The following COL26A1 variants were observed in gnomAD, a reference collection of about 807,000 sequenced individuals.
COL26A1 encodes collagen alpha-1(XXVI) chain.
Under a neutral mutation model 59.3 loss-of-function variants are expected in COL26A1, and 41 were observed. The ratio of observed to expected loss-of-function variants is 0.69; its 90% CI spans 0.54 to 0.90. The LOEUF is 0.90. Among genes scored for constraint, COL26A1 ranks in the 40% least tolerant of loss-of-function variants. The probability of loss-of-function intolerance (pLI) is 0.00; values close to 1 mark genes in which losing one functional copy is unlikely to be tolerated. For synonymous variants in COL26A1, 266 were observed against 256.0 expected (o/e 1.04, Z -0.37); for missense variants, 612 against 602.3 (o/e 1.02, Z -0.17).
rs570178967 is a variant in COL26A1 at position 101,475,465 on chromosome 7, A to AG, written c.385+27682dup. 1.9e-3 allele frequency among the ~76,000 whole-genome samples: 291 copies of AG among 152,172 alleles called. 1 individual carries two copies. Among genetic ancestry groups the AG allele is most frequent in the Non-Finnish European group, 3.6e-3 (244 of 68,028 alleles). ...TCTCAAACACCAACATACCATATTT[A>AG]GGGGTACAGTGTCCTGAGCCCCACT... On this transcript the variant is annotated intron_variant, in intron 3 of 12. Transcript: ENST00000313669.
In COL26A1 at chr7:101,483,095, A is replaced by G. The variant is rs190106514; in HGVS notation, c.385+35308A>G. Among the ~76,000 whole-genome samples the G allele has an allele frequency of 2.9e-3, 445 of 152,220 alleles. 2 individuals carry two copies. The highest frequency in any genetic ancestry group is 5.0e-3 in the Admixed American group (77 of 15,268). ...TTAACTGGTGCAAACAAATCATATG[A>G]CCATGGTCTGCTTTAAGGGAGCAGG... On this transcript the variant is annotated intron_variant, in intron 3 of 12. Transcript: ENST00000313669.
At chr7:101,545,531 C>T (rs752012146) in intron 7 of COL26A1, 41 bp downstream of exon 7, 22 of 1,576,098 alleles carry the variant, frequency 1.4e-5, no homozygotes, top group African/African-American at 6.9e-5. Context: ...GGCTGAGCTA[C>T]GCTGTGTTCT....
chr7:101,488,379 C>T (rs13243311), intron 3 of COL26A1, among the ~76,000 whole-genome samples: 1,128 of 44,710 alleles, frequency 0.025, 22 homozygotes, highest in African/African-American at 0.11. Flanking sequence ...TATATATATA[C>T]ACACACATTT....
chr7:101,369,612 C>G (rs1449121224), intron 1 of COL26A1, among the ~76,000 whole-genome samples: 1 of 150,868 alleles, frequency 6.6e-6, no homozygotes, highest in Non-Finnish European at 1.5e-5. Context: ...CCACACCCGG[C>G]TAATATTTTT....
intron 5 of COL26A1, among the ~76,000 whole-genome samples, chr7:101,541,592 C>A (rs1795618776): frequency 6.6e-6 from 1 of 151,724 alleles, no homozygotes; most frequent in African/African-American, 2.4e-5. Flanking sequence ...CTTAAGCAAT[C>A]CTCATGCCTC....
chr7:101,384,361 C>G (rs1054296794), intron 1 of COL26A1, among the ~76,000 whole-genome samples: 4 of 151,894 alleles, frequency 2.6e-5, no homozygotes, highest in South Asian at 2.1e-4. Flanking sequence ...CTCAGCCTCC[C>G]GAGTAGCTGG....
At chr7:101,380,747 A>T (rs1400785533) in intron 1 of COL26A1, among the ~76,000 whole-genome samples, 1 of 152,152 alleles carries the variant, frequency 6.6e-6, no homozygotes, top group African/African-American at 2.4e-5. Context: ...CTTAAACATC[A>T]CATCTTCAGG....
intron 1 of COL26A1, among the ~76,000 whole-genome samples, chr7:101,375,894 G>C (rs920688785): frequency 6.6e-6 from 1 of 150,888 alleles, no homozygotes; most frequent in South Asian, 2.1e-4. Context: ...GCTGAGGCAG[G>C]AGAATGGCAT....
Position 101,558,570 on chromosome 7 carries a change from G to A in COL26A1, c.*1040G>A, listed in dbSNP as rs1796036726. The A allele has an allele frequency of 6.6e-6, 1 of 152,304 alleles. No homozygotes were observed. The highest frequency in any genetic ancestry group is 1.5e-5 in the Non-Finnish European group (1 of 68,116). 9.4% of individuals were successfully genotyped at this position (152,304 alleles called of 1,614,324 possible). ...TGCAGAGAGGGAAACAGAGTCCCAG[G>A]CCTGCTGGGAAGAGATGCTCCTGCC... On this transcript the variant is annotated 3_prime_UTR_variant, in exon 13 of 13. Transcript: ENST00000313669.
At chr7:101,384,305 C>T (rs1396377599) in intron 1 of COL26A1, among the ~76,000 whole-genome samples, 3 of 145,482 alleles carry the variant, frequency 2.1e-5, no homozygotes, top group Non-Finnish European at 3.0e-5. Flanking sequence ...AGCGTCATCT[C>T]GGCTTACTGC....
At chr7:101,466,837 T>TGTGTGTGTGAGAGA (rs764059657) in intron 3 of COL26A1, among the ~76,000 whole-genome samples, 105 of 122,704 alleles carry the variant, frequency 8.6e-4, no homozygotes, top group South Asian at 1.4e-3. Context: ...TGTGTGTGTG[T>TGTGTGTGTGAGAGA]GAGAGAGAGA....
intron 1 of COL26A1, among the ~76,000 whole-genome samples, chr7:101,390,281 G>A (rs934055959): frequency 2.7e-5 from 4 of 148,514 alleles, no homozygotes; most frequent in Non-Finnish European, 4.5e-5. Flanking sequence ...TCAGCCTCCC[G>A]AGTAGCTGGA....
intron 4 of COL26A1, among the ~76,000 whole-genome samples, chr7:101,535,886 C>T (rs1213620226): frequency 6.6e-6 from 1 of 152,190 alleles, no homozygotes; most frequent in Non-Finnish European, 1.5e-5. Context: ...GGTAGCTCTG[C>T]AGCCCCCGTC....
intron 1 of COL26A1, among the ~76,000 whole-genome samples, chr7:101,364,606 G>A (rs115423102): frequency 0.014 from 2,126 of 148,096 alleles, 57 homozygotes; most frequent in African/African-American, 0.051. Flanking sequence ...GGTCTTGCTT[G>A]CTCCCCAGGC....
At chr7:101,453,237 C>T (rs963732707) in intron 3 of COL26A1, among the ~76,000 whole-genome samples, 2 of 152,144 alleles carry the variant, frequency 1.3e-5, no homozygotes, top group Admixed American at 6.5e-5. Flanking sequence ...CGTGGTGGCA[C>T]GTGCCCGTAG....
chr7:101,540,699 C>T (rs1409383732), intron 5 of COL26A1, among the ~76,000 whole-genome samples: 1 of 151,736 alleles, frequency 6.6e-6, no homozygotes. Context: ...ACTGAAAATA[C>T]AAAAATTAGC....
In COL26A1 at chr7:101,468,029, G is replaced by T. The variant is rs546401016; in HGVS notation, c.385+20242G>T. Among the ~76,000 whole-genome samples, 631 of 152,202 alleles carry T rather than the reference G, an allele frequency of 4.1e-3. 6 individuals are homozygous for T. The highest frequency in any genetic ancestry group is 7.1e-3 in the Non-Finnish European group (485 of 68,006). On this transcript the variant is annotated intron_variant, in intron 3 of 12. Transcript: ENST00000313669. ...TTTCAGGCTGCTTTTTGTTAGAAAA[G>T]AAATGATTCACACTTGTAATCCCAG...
At chr7:101,463,554 CTT>C (rs141507009) in intron 3 of COL26A1, among the ~76,000 whole-genome samples, 1 of 115,530 alleles carries the variant, frequency 8.7e-6, no homozygotes, top group African/African-American at 3.3e-5. Flanking sequence ...CTCCCCTTTT[CTT>C]TTTCTTTCTT....
Position 101,557,776 on chromosome 7 carries a change from C to A in COL26A1, c.*246C>A, listed in dbSNP as rs1425506178. 2.2e-6 allele frequency: 1 copy of A among 451,690 alleles called. No individual in the cohort carries two copies. The highest frequency in any genetic ancestry group is 3.3e-5 in the East Asian group (1 of 30,292). 28.0% of individuals were successfully genotyped at this position (451,690 alleles called of 1,614,324 possible). A position where few individuals can be genotyped will look rare whatever the true frequency, so the allele number is the denominator to read the frequency against. On this transcript the variant is annotated 3_prime_UTR_variant, in exon 13 of 13. Coordinates refer to ENST00000313669, the MANE Select transcript of COL26A1 (RefSeq NM_001278563.3). The stretch of plus-strand genomic sequence containing the variant: ...CCCCACTCCCGGCTGGAGACGGGGT[C>A]TGGGTGGGCTGGGTGCTGGGAATGA...
Sources: gnomAD v4.1 joint callset for allele counts (sites outside exome capture counted in the v4.1 genomes callset) on GRCh38, gnomAD v4.1.1 for gene constraint, MANE v1.5 for transcripts, NCBI Gene and HGNC (gene_info 2026-07-23, HGNC 2026-07-21) for gene names.